WDR70: variants seen among roughly 807,000 people sequenced by gnomAD.
WDR70 encodes the protein WD repeat-containing protein 70.
Under a neutral mutation model 88.6 loss-of-function variants are expected in WDR70, and 53 were observed. The observed-to-expected ratio is 0.60, with a 90% CI of 0.48 to 0.75. The LOEUF is 0.75. WDR70 is among the 30% of genes least tolerant of loss of function. WDR70 has a pLI of 0.00. For synonymous variants in WDR70, 280 were observed against 270.0 expected (o/e 1.04, Z -0.36); for missense variants, 610 against 823.2 (o/e 0.74, Z 3.17).
At chr5:37,735,728 G>A (rs966682863) in intron 17 of WDR70, among the ~76,000 whole-genome samples, 1 of 152,108 alleles carries the variant, frequency 6.6e-6, no homozygotes. Flanking sequence ...ATATTTAAAA[G>A]GATCTTTTCG....
intron 7 of WDR70, among the ~76,000 whole-genome samples, chr5:37,453,909 A>T (rs1738752550): frequency 6.6e-6 from 1 of 152,064 alleles, no homozygotes; most frequent in South Asian, 2.1e-4. Context: ...CCACCTCTCC[A>T]CTGCCACCCA....
chr5:37,553,864 A>C (rs1379116268), intron 9 of WDR70, among the ~76,000 whole-genome samples: 3 of 152,164 alleles, frequency 2.0e-5, no homozygotes, highest in Non-Finnish European at 2.9e-5. Flanking sequence ...TCTTCTGTAA[A>C]ATGGGATTGT....
chr5:37,406,234 A>G (rs564958012), intron 5 of WDR70, among the ~76,000 whole-genome samples: 77 of 152,180 alleles, frequency 5.1e-4, no homozygotes, highest in African/African-American at 1.7e-3. Flanking sequence ...CTCACATCCA[A>G]TCTCTGATCC....
intron 8 of WDR70, among the ~76,000 whole-genome samples, chr5:37,490,953 C>G (rs917688049): frequency 6.6e-6 from 1 of 152,094 alleles, no homozygotes; most frequent in African/African-American, 2.4e-5. Context: ...TGTTTGGCCC[C>G]AGAAAGAAAA....
intron 11 of WDR70, 70 bp from the exon 12 acceptor site, chr5:37,700,988 T>G: frequency 1.0e-6 from 1 of 955,258 alleles, no homozygotes; most frequent in South Asian, 1.3e-5. Flanking sequence ...TAGCAGACTC[T>G]AAACTGGGAG....
chr5:37,490,066 C>T (rs1323303982), intron 8 of WDR70, among the ~76,000 whole-genome samples: 11 of 151,934 alleles, frequency 7.2e-5, no homozygotes, highest in South Asian at 2.1e-4. Flanking sequence ...TGCTATGGTG[C>T]GGCAGGCATT....
chr5:37,533,116 T>G (rs1161673471), intron 9 of WDR70, among the ~76,000 whole-genome samples: 1 of 152,202 alleles, frequency 6.6e-6, no homozygotes, highest in Non-Finnish European at 1.5e-5. Flanking sequence ...ATATGATTCA[T>G]CTTCAGGTCT....
chr5:37,724,403 C>T (rs1747909510), intron 15 of WDR70: 1 of 152,472 alleles, frequency 6.6e-6, no homozygotes. Context: ...CTCTTGCATT[C>T]ATGGCAACCT....
intron 9 of WDR70, among the ~76,000 whole-genome samples, chr5:37,537,916 T>G (rs116477409): frequency 1.3e-5 from 2 of 152,160 alleles, no homozygotes; most frequent in African/African-American, 4.8e-5. Flanking sequence ...TACTGTAAAG[T>G]TTTGGATTAA....
chr5:37,398,768 C>T (rs1749106690), intron 5 of WDR70, among the ~76,000 whole-genome samples: 1 of 152,158 alleles, frequency 6.6e-6, no homozygotes, highest in Non-Finnish European at 1.5e-5. Context: ...TTTTGTTTTA[C>T]AGTAAGTTCC....
intron 3 of WDR70, among the ~76,000 whole-genome samples, chr5:37,390,592 G>A (rs1209819719): frequency 1.3e-5 from 2 of 151,816 alleles, no homozygotes; most frequent in Non-Finnish European, 2.9e-5. Flanking sequence ...CGCCTGTCTC[G>A]GCCTCCCAAA....
chr5:37,691,933 G>T (rs1746808453), intron 10 of WDR70, among the ~76,000 whole-genome samples: 1 of 152,000 alleles, frequency 6.6e-6, no homozygotes, highest in Non-Finnish European at 1.5e-5. Flanking sequence ...TTTTTGAAAA[G>T]ATCAACAAAA....
chr5:37,423,505 A>G (rs1193190900), intron 5 of WDR70, among the ~76,000 whole-genome samples: 1 of 150,914 alleles, frequency 6.6e-6, no homozygotes, highest in Non-Finnish European at 1.5e-5. Flanking sequence ...TGACAGAATT[A>G]TAAATTGAAA....
intron 5 of WDR70, among the ~76,000 whole-genome samples, chr5:37,432,264 A>G (rs1017476195): frequency 1.1e-4 from 16 of 151,472 alleles, no homozygotes; most frequent in African/African-American, 3.9e-4. Context: ...CCTAGTGTGA[A>G]GTGATATTTC....
At chr5:37,390,340 A>AC (rs1554136231) in intron 3 of WDR70, among the ~76,000 whole-genome samples, 1 of 138,182 alleles carries the variant, frequency 7.2e-6, no homozygotes, top group African/African-American at 2.7e-5. Context: ...TATAATATAA[A>AC]TTTTTTTTTT....
In WDR70 at chr5:37,379,550, G is replaced by T. The variant is rs141035069; in HGVS notation, c.87G>T (p.Gly29=). 5.2e-5 allele frequency: 84 copies of T among 1,613,972 alleles called. No homozygotes were observed. In the African/African-American group the frequency reaches 1.1e-3, roughly 21 times the overall value. ...TTGCGGTCACCATGGGCTTCACGGG[G>T]TTCGGTGAGTGACTGCCCCAGGCAG... ...PQLAVTMGFT[G]FGKKARTFDL... Residue 29 remains glycine (G), a synonymous_variant, in exon 2 of 18, where the codon GGG becomes GGT. Transcript: ENST00000265107.
Position 37,437,976 on chromosome 5 carries a change from A to G in WDR70, c.547A>G (p.Lys183Glu). 6.2e-7 allele frequency: 1 copy of G among 1,609,202 alleles called. No individual in the cohort carries two copies. The highest frequency in any genetic ancestry group is 8.5e-7 in the Non-Finnish European group (1 of 1,177,810). ...SHEITLKHGTKTVSALGLDPS... is the reference protein window; with the variant it reads ...SHEITLKHGTETVSALGLDPS... ...TGAGATAACGCTGAAGCATGGCACT[A>G]AAACAGTAAGTTTAAAAATCTAGTT... is the stretch of plus-strand genomic sequence containing the variant. Residue 183 changes from lysine (K) to glutamate (E), a missense_variant, in exon 6 of 18, where the codon AAA becomes GAA. Coordinates refer to ENST00000265107, the MANE Select transcript of WDR70 (RefSeq NM_018034.4).
At chr5:37,462,363 C>T (rs1254369094) in intron 7 of WDR70, among the ~76,000 whole-genome samples, 2 of 152,214 alleles carry the variant, frequency 1.3e-5, no homozygotes, top group South Asian at 2.1e-4. Flanking sequence ...AGTGCGGTGG[C>T]GTGATCCTGG....
At chr5:37,392,197 T>C (rs1187028254) in intron 4 of WDR70, 77 bp downstream of exon 4, 1 of 1,411,532 alleles carries the variant, frequency 7.1e-7, no homozygotes, top group Non-Finnish European at 9.6e-7. Context: ...TTTTTTTTAA[T>C]TTTTTTGAGA....
Sources: gnomAD v4.1 joint callset for allele counts (sites outside exome capture counted in the v4.1 genomes callset) on GRCh38, gnomAD v4.1.1 for gene constraint, MANE v1.5 for transcripts, NCBI Gene and HGNC (gene_info 2026-07-23, HGNC 2026-07-21) for gene names.